GABRG3: variants seen among roughly 807,000 people sequenced by gnomAD.
GABRG3 encodes gamma-aminobutyric acid receptor subunit gamma-3.
GABRG3 carries 25 observed loss-of-function variants against 48.8 expected under a neutral mutation model. That is an observed-to-expected ratio of 0.51 (90% CI 0.37 to 0.72). GABRG3 has a LOEUF of 0.72. Among genes scored for constraint, GABRG3 ranks in the 30% least tolerant of loss-of-function variants. The pLI is 0.00. For synonymous variants in GABRG3, 227 were observed against 217.6 expected (o/e 1.04, Z -0.38); for missense variants, 394 against 577.9 (o/e 0.68, Z 3.26).
chr15:27,401,669 C>T (rs1287195136), intron 5 of GABRG3, among the ~76,000 whole-genome samples: 5 of 152,168 alleles, frequency 3.3e-5, no homozygotes, highest in African/African-American at 4.8e-5. Context: ...TCCATGCTCT[C>T]GCGACCATAG....
At chr15:27,025,320 C>T (rs568004700) in intron 2 of GABRG3, among the ~76,000 whole-genome samples, 35 of 152,296 alleles carry the variant, frequency 2.3e-4, no homozygotes, top group Middle Eastern at 6.8e-3. Flanking sequence ...TGACTTAACA[C>T]CCTTTGGTAT....
intron 3 of GABRG3, among the ~76,000 whole-genome samples, chr15:27,250,102 C>G (rs553971361): frequency 6.6e-6 from 1 of 152,248 alleles, no homozygotes; most frequent in African/African-American, 2.4e-5. Flanking sequence ...CCAGCCCCCA[C>G]CAGGTGCTCT....
intron 3 of GABRG3, among the ~76,000 whole-genome samples, chr15:27,147,375 A>G (rs1439317028): frequency 2.6e-5 from 4 of 152,088 alleles, no homozygotes; most frequent in African/African-American, 9.7e-5. Flanking sequence ...GGCTTGTTCA[A>G]TACCCCACTT....
intron 5 of GABRG3, among the ~76,000 whole-genome samples, chr15:27,357,007 C>T (rs1894863693): frequency 6.6e-6 from 1 of 152,048 alleles, no homozygotes; most frequent in Non-Finnish European, 1.5e-5. Context: ...TTGGAATTTT[C>T]ATAATAGAAT....
intron 3 of GABRG3, among the ~76,000 whole-genome samples, chr15:27,097,776 A>G (rs1897289456): frequency 6.6e-6 from 1 of 152,112 alleles, no homozygotes; most frequent in Non-Finnish European, 1.5e-5. Context: ...AATATTCAGG[A>G]AAGGTCCCTC....
At chr15:27,002,451 T>C (rs1392077010) in intron 2 of GABRG3, among the ~76,000 whole-genome samples, 2 of 152,208 alleles carry the variant, frequency 1.3e-5, no homozygotes, top group Non-Finnish European at 2.9e-5. Flanking sequence ...GTCTAAACTA[T>C]TTAACATTTT....
chr15:27,238,454 C>T (rs527647252), intron 3 of GABRG3, among the ~76,000 whole-genome samples: 98 of 152,286 alleles, frequency 6.4e-4, no homozygotes, highest in Non-Finnish European at 1.2e-3. Flanking sequence ...GAGGCCACCG[C>T]GGGAGGCCCT....
Position 27,300,946 on chromosome 15 carries a change from A to G in GABRG3, c.271-25863A>G, listed in dbSNP as rs375624759. Reference sequence around the variant, plus strand: ...CGCACCACTGTACTCCAGCCTGGGCAACAAGAGGGAAACTCCATCTCAAAA... The same window carrying G: ...CGCACCACTGTACTCCAGCCTGGGCGACAAGAGGGAAACTCCATCTCAAAA... On this transcript the variant is annotated intron_variant, in intron 3 of 9. Coordinates refer to ENST00000615808, the MANE Select transcript of GABRG3 (RefSeq NM_033223.5). Among the ~76,000 whole-genome samples the G allele has an allele frequency of 4.6e-5, 7 of 152,262 alleles. No homozygotes were observed. In the East Asian group the frequency reaches 1.2e-3, roughly 25 times the overall value.
chr15:27,099,578 G>A (rs559575779), intron 3 of GABRG3, among the ~76,000 whole-genome samples: 1 of 152,204 alleles, frequency 6.6e-6, no homozygotes, highest in East Asian at 1.9e-4. Context: ...ACTCTAAAGT[G>A]CTGGGGCCTA....
intron 3 of GABRG3, among the ~76,000 whole-genome samples, chr15:27,042,988 C>G (rs529827178): frequency 6.6e-6 from 1 of 152,230 alleles, no homozygotes; most frequent in African/African-American, 2.4e-5. Flanking sequence ...CCTTGTATCC[C>G]TTTCTCCAGC....
At position 27,534,686 on chromosome 15, in the gene GABRG3, C is replaced by T. The variant is rs1891509646; in HGVS notation, c.*1805C>T. On this transcript the variant is annotated 3_prime_UTR_variant, in exon 10 of 10. Coordinates refer to ENST00000615808, the MANE Select transcript of GABRG3 (RefSeq NM_033223.5). ...TTTCACACAATGTCCTGGATGTATACCAGACACAGAAGAGGATGGGAGCAG... is the reference window on the plus strand; with the variant it reads ...TTTCACACAATGTCCTGGATGTATATCAGACACAGAAGAGGATGGGAGCAG... 6.6e-6 allele frequency: 1 copy of T among 152,018 alleles called. No homozygotes were observed. The highest frequency in any genetic ancestry group is 2.4e-5 in the African/African-American group (1 of 41,354). 9.4% of individuals were successfully genotyped at this position (152,018 alleles called of 1,614,324 possible).
At chr15:27,312,557 A>G (rs1318358181) in intron 3 of GABRG3, among the ~76,000 whole-genome samples, 1 of 152,184 alleles carries the variant, frequency 6.6e-6, no homozygotes, top group Non-Finnish European at 1.5e-5. Context: ...GCAAGTTGTC[A>G]CACACAAGGA....
intron 3 of GABRG3, among the ~76,000 whole-genome samples, chr15:27,048,540 A>G (rs1262365815): frequency 6.6e-6 from 1 of 152,062 alleles, no homozygotes; most frequent in Admixed American, 6.5e-5. Context: ...CCCGTCCCCC[A>G]TGGTCTTATG....
At chr15:27,481,531 A>G (rs1890101239) in intron 6 of GABRG3, among the ~76,000 whole-genome samples, 1 of 152,158 alleles carries the variant, frequency 6.6e-6, no homozygotes, top group South Asian at 2.1e-4. Flanking sequence ...TGGGTCTTCA[A>G]ATTATCTAAT....
chr15:27,494,579 G>A (rs759580242), intron 6 of GABRG3, among the ~76,000 whole-genome samples: 17 of 152,174 alleles, frequency 1.1e-4, no homozygotes, highest in East Asian at 3.9e-4. Flanking sequence ...GCAGTTTGTC[G>A]TTTCCTATAA....
intron 2 of GABRG3, among the ~76,000 whole-genome samples, chr15:26,988,063 G>A (rs538854866): frequency 1.3e-5 from 2 of 152,306 alleles, no homozygotes; most frequent in East Asian, 1.9e-4. Flanking sequence ...ATTGAGAGCT[G>A]TTTTATGGCA....
At chr15:27,302,262 G>C (rs979997842) in intron 3 of GABRG3, among the ~76,000 whole-genome samples, 3 of 152,042 alleles carry the variant, frequency 2.0e-5, no homozygotes, top group Non-Finnish European at 4.4e-5. Context: ...AGTGGAGAGG[G>C]TAACGGAATC....
At chr15:27,433,898 A>C (rs1483463471) in intron 5 of GABRG3, among the ~76,000 whole-genome samples, 2 of 152,204 alleles carry the variant, frequency 1.3e-5, no homozygotes, top group African/African-American at 4.8e-5. Context: ...TGTCCTGTTT[A>C]CAAACACTAA....
chr15:27,128,094 G>GC (rs1897852778), intron 3 of GABRG3, among the ~76,000 whole-genome samples: 1 of 149,048 alleles, frequency 6.7e-6, no homozygotes, highest in Non-Finnish European at 1.5e-5. Context: ...AGGGATGGTG[G>GC]CTCACGCCTG....
Sources: gnomAD v4.1 joint callset for allele counts (sites outside exome capture counted in the v4.1 genomes callset) on GRCh38, gnomAD v4.1.1 for gene constraint, MANE v1.5 for transcripts, NCBI Gene and HGNC (gene_info 2026-07-23, HGNC 2026-07-21) for gene names.